PPP1R21: variants seen among roughly 807,000 people sequenced by gnomAD.
The protein encoded by PPP1R21 is KLRAQ motif containing 1.
Under a neutral mutation model 112.8 loss-of-function variants are expected in PPP1R21, and 85 were observed. That is an observed-to-expected ratio of 0.75 (90% confidence interval 0.63 to 0.90). PPP1R21 has a LOEUF of 0.90. Ranked by LOEUF, PPP1R21 falls within the 40% of genes least tolerant of loss-of-function variation. The pLI is 0.00. For synonymous variants in PPP1R21, 381 were observed against 322.3 expected, an observed-to-expected ratio of 1.18 and a Z score of -1.95; for missense variants, 1,199 against 901.5, an observed-to-expected ratio of 1.33 and a Z score of -4.23.
At chr2:48,471,665 A>G (rs1316824478) in intron 11 of PPP1R21, among the ~76,000 whole-genome samples, 1 of 152,188 alleles carries the variant, frequency 6.6e-6, no homozygotes, top group East Asian at 1.9e-4. Flanking sequence ...CTTCTACGTT[A>G]GGATCTATAA....
chr2:48,442,856 G>T (rs1337733323), intron 1 of PPP1R21, among the ~76,000 whole-genome samples: 1 of 152,154 alleles, frequency 6.6e-6, no homozygotes, highest in Non-Finnish European at 1.5e-5. Context: ...TGTCAAGTAA[G>T]AAGAGTGAAC....
chr2:48,476,954 C>T (rs1295421798), intron 12 of PPP1R21, among the ~76,000 whole-genome samples: 2 of 151,826 alleles, frequency 1.3e-5, no homozygotes, highest in African/African-American at 4.8e-5. Context: ...TGATGAAGTC[C>T]AGTTTCCCAT....
At chr2:48,479,248 CCT>C (rs1668895353) in intron 12 of PPP1R21, among the ~76,000 whole-genome samples, 2 of 152,186 alleles carry the variant, frequency 1.3e-5, no homozygotes, top group Admixed American at 6.5e-5. Flanking sequence ...GAAATCCAGA[CCT>C]CTTTAGGAGT....
At chr2:48,486,384 C>A (rs187286871) in intron 13 of PPP1R21, among the ~76,000 whole-genome samples, 1 of 152,058 alleles carries the variant, frequency 6.6e-6, no homozygotes, top group Non-Finnish European at 1.5e-5. Context: ...AATACTCCGA[C>A]GAGGAAATCT....
chr2:48,459,856 G>A lies in PPP1R21; in HGVS notation c.478G>A (p.Gly160Ser), dbSNP rs142054593. The A allele has an allele frequency of 8.2e-5, 132 of 1,614,152 alleles. No individual in the cohort carries two copies. Among genetic ancestry groups the A allele is most frequent in the African/African-American group, 3.1e-4 (23 of 75,028 alleles). ...EAAQHQAVVD[G>S]LTRKYMETIE... Reference sequence around the variant, plus strand: ...AGCCCAGCACCAAGCTGTGGTTGACGGTCTCACCCGGAAGTACATGGAAAC... The same window carrying A: ...AGCCCAGCACCAAGCTGTGGTTGACAGTCTCACCCGGAAGTACATGGAAAC... Residue 160 changes from glycine (G) to serine (S), a missense_variant, in exon 5 of 22, where the codon GGT becomes AGT. Transcript: ENST00000294952.
intron 19 of PPP1R21, 52 bp from the exon 20 acceptor site, chr2:48,509,963 T>C: frequency 2.2e-6 from 3 of 1,369,812 alleles, no homozygotes; most frequent in Non-Finnish European, 3.0e-6. Flanking sequence ...CGAAGCAAAT[T>C]TGGTTTTAGA....
chr2:48,459,902 A>G lies in PPP1R21; in HGVS notation c.524A>G (p.Asp175Gly), dbSNP rs780723061. The stretch of plus-strand genomic sequence containing the variant: ...GAAACCATTGAGAAGCTGCAGAACG[A>G]CAAGGCTAAACTAGAAGTAAGCCCC... ...YMETIEKLQNDKAKLEVKSQT... is the reference protein window; with the variant it reads ...YMETIEKLQNGKAKLEVKSQT... Residue 175 changes from aspartate to glycine, a missense_variant, in exon 5 of 22, where the codon GAC becomes GGC. By Grantham distance (94) the Asp-to-Gly change is moderately conservative (BLOSUM62 -1). Coordinates refer to ENST00000294952, the MANE Select transcript of PPP1R21 (RefSeq NM_001135629.3). 3 of 1,614,038 alleles carry G rather than the reference A, an allele frequency of 1.9e-6. No homozygotes were observed. The highest frequency in any genetic ancestry group is 2.2e-5 in the South Asian group (2 of 91,064).
chr2:48,475,794 C>G (rs1488771069), intron 12 of PPP1R21, among the ~76,000 whole-genome samples: 1 of 152,000 alleles, frequency 6.6e-6, no homozygotes, highest in African/African-American at 2.4e-5. Context: ...ATGCAGTGAG[C>G]TGAGATCGTG....
intron 1 of PPP1R21, among the ~76,000 whole-genome samples, chr2:48,448,680 A>G (rs1667352593): frequency 6.7e-6 from 1 of 150,354 alleles, no homozygotes; most frequent in Non-Finnish European, 1.5e-5. Context: ...GTATTTATTG[A>G]ATTCTGTGAA....
At position 48,491,004 on chromosome 2, in the gene PPP1R21, C is replaced by T. The variant is rs1483403346; in HGVS notation, c.1447-14C>T. On this transcript the variant is annotated splice_polypyrimidine_tract_variant and intron_variant, in intron 14 of 21. Coordinates refer to ENST00000294952, the MANE Select transcript of PPP1R21 (RefSeq NM_001135629.3). ...TGGAAAACAAAATCTATTTCCTTGT[C>T]ATACTTTGTTTAGATTGCATCCTTC... 3 of 1,609,972 alleles carry T rather than the reference C, an allele frequency of 1.9e-6. No homozygotes were observed. The highest frequency in any genetic ancestry group is 2.2e-5 in the East Asian group (1 of 44,846).
intron 7 of PPP1R21, 30 bp downstream of exon 7, chr2:48,461,262 T>C: frequency 6.7e-7 from 1 of 1,503,146 alleles, no homozygotes; most frequent in Non-Finnish European, 8.8e-7. Context: ...TTCCATTATT[T>C]GTAACTTTGA....
chr2:48,465,067 G>A, intron 8 of PPP1R21, 78 bp downstream of exon 8: 1 of 1,176,830 alleles, frequency 8.5e-7, no homozygotes, highest in Non-Finnish European at 1.2e-6. Flanking sequence ...AGTTGTGTTT[G>A]GACCTCTGTT....
chr2:48,476,874 T>A (rs1435544436), intron 12 of PPP1R21, among the ~76,000 whole-genome samples: 3 of 152,152 alleles, frequency 2.0e-5, no homozygotes, highest in Non-Finnish European at 2.9e-5. Context: ...TTGCAATATT[T>A]TCTTCCATTT....
At chr2:48,503,325 A>G (rs1670212361) in intron 17 of PPP1R21, among the ~76,000 whole-genome samples, 1 of 152,242 alleles carries the variant, frequency 6.6e-6, no homozygotes, top group African/African-American at 2.4e-5. Flanking sequence ...TAATGTTAAA[A>G]CATAAACATC....
At chr2:48,504,844 A>G (rs1670300879) in intron 17 of PPP1R21, among the ~76,000 whole-genome samples, 1 of 152,158 alleles carries the variant, frequency 6.6e-6, no homozygotes, top group African/African-American at 2.4e-5. Context: ...AAAATCTAGC[A>G]GCAGCCAGGC....
At chr2:48,466,314 T>G (rs1054540002) in intron 9 of PPP1R21, among the ~76,000 whole-genome samples, 1 of 151,932 alleles carries the variant, frequency 6.6e-6, no homozygotes, top group African/African-American at 2.4e-5. Flanking sequence ...TGGGCTCAAG[T>G]GATCCTCCCA....
intron 17 of PPP1R21, among the ~76,000 whole-genome samples, chr2:48,501,106 AC>A (rs1196715612): frequency 6.6e-6 from 1 of 152,150 alleles, no homozygotes; most frequent in African/African-American, 2.4e-5. Context: ...GACTGTTTTT[AC>A]CTCCATATCA....
chr2:48,443,553 G>A (rs1178963950), intron 1 of PPP1R21, among the ~76,000 whole-genome samples: 1 of 152,226 alleles, frequency 6.6e-6, no homozygotes, highest in Non-Finnish European at 1.5e-5. Flanking sequence ...GCCTGGAGGA[G>A]GAAGAGATGC....
intron 13 of PPP1R21, among the ~76,000 whole-genome samples, chr2:48,485,515 C>A (rs2103915182): frequency 6.6e-6 from 1 of 152,174 alleles, no homozygotes; most frequent in Non-Finnish European, 1.5e-5. Context: ...TAATGAAACT[C>A]CATACCTTTT....
Sources: allele counts gnomAD v4.1 joint callset (sites outside exome capture counted in the v4.1 genomes callset), GRCh38; gene constraint gnomAD v4.1.1; transcripts MANE v1.5; gene names NCBI Gene and HGNC (gene_info 2026-07-23, HGNC 2026-07-21).